Variants in CENPW observed in about 807,000 individuals in gnomAD.
The protein encoded by CENPW is centromere protein W.
In CENPW, 3 loss-of-function variants were observed where a neutral mutation model predicts 11.1. The observed-to-expected ratio is 0.27, with a 90% CI of 0.12 to 0.70. The LOEUF is 0.70. Among genes scored for constraint, CENPW ranks in the 30% least tolerant of loss-of-function variants. The probability of loss-of-function intolerance (pLI) is 0.77; values close to 1 mark genes in which losing one functional copy is unlikely to be tolerated. For synonymous variants in CENPW, 38 were observed against 42.0 expected (o/e 0.91, Z 0.37); for missense variants, 100 against 105.6 (o/e 0.95, Z 0.23).
chr6:126,371,047 G>A, the CENPW span, among the ~76,000 whole-genome samples: 1 of 152,124 alleles, frequency 6.6e-6, no homozygotes, highest in Non-Finnish European at 1.5e-5. Flanking sequence ...GATTATAGGC[G>A]TGAGCCACCG....
chr6:126,456,884 A>C, the CENPW span, among the ~76,000 whole-genome samples: 1 of 151,748 alleles, frequency 6.6e-6, no homozygotes, highest in Non-Finnish European at 1.5e-5. Flanking sequence ...ATATGGGCAA[A>C]GGACATGAAC....
At chr6:126,471,691 A>G in the CENPW span, among the ~76,000 whole-genome samples, 3 of 152,194 alleles carry the variant, frequency 2.0e-5, no homozygotes, top group Admixed American at 2.0e-4. Flanking sequence ...GGTAGAAAAA[A>G]CCAGATATAC....
downstream of CENPW, among the ~76,000 whole-genome samples, chr6:126,349,520 A>AT (rs1231244598): frequency 6.6e-6 from 1 of 152,240 alleles, no homozygotes; most frequent in East Asian, 1.9e-4. Context: ...TACTTTTGTG[A>AT]TTTTGAGAAT....
the CENPW span, among the ~76,000 whole-genome samples, chr6:126,412,775 T>A: frequency 6.6e-6 from 1 of 152,152 alleles, no homozygotes; most frequent in Admixed American, 6.6e-5. Flanking sequence ...TCCTACCTTT[T>A]TTAGATTGAA....
downstream of CENPW, among the ~76,000 whole-genome samples, chr6:126,349,928 G>A (rs1363871325): frequency 6.6e-6 from 1 of 152,016 alleles, no homozygotes; most frequent in South Asian, 2.1e-4. Context: ...ATAGCACACT[G>A]CAGCCTCAAA....
chr6:126,381,400 C>A, the CENPW span, among the ~76,000 whole-genome samples: 3 of 152,084 alleles, frequency 2.0e-5, no homozygotes, highest in African/African-American at 7.2e-5. Flanking sequence ...TGCATATACA[C>A]TTTTATTAAA....
At chr6:126,385,692 T>A in the CENPW span, among the ~76,000 whole-genome samples, 22 of 152,086 alleles carry the variant, frequency 1.4e-4, no homozygotes, top group Non-Finnish European at 2.8e-4. Flanking sequence ...GAGTGAGTTC[T>A]TATGAGATCT....
chr6:126,413,785 A>G, the CENPW span, among the ~76,000 whole-genome samples: 1 of 152,016 alleles, frequency 6.6e-6, no homozygotes, highest in African/African-American at 2.4e-5. Flanking sequence ...AAACCACCAG[A>G]ATACAACAGA....
At chr6:126,465,265 CAG>C in the CENPW span, among the ~76,000 whole-genome samples, 2 of 151,910 alleles carry the variant, frequency 1.3e-5, no homozygotes, top group Non-Finnish European at 1.5e-5. Flanking sequence ...AAATTAAAAA[CAG>C]AGTTTACAAT....
chr6:126,382,141 G>A, the CENPW span, among the ~76,000 whole-genome samples: 2 of 152,062 alleles, frequency 1.3e-5, no homozygotes, highest in African/African-American at 4.8e-5. Context: ...AATCCCAGCT[G>A]CAGGAGAATC....
At chr6:126,380,940 C>T in the CENPW span, among the ~76,000 whole-genome samples, 3 of 152,192 alleles carry the variant, frequency 2.0e-5, no homozygotes, top group Non-Finnish European at 2.9e-5. Context: ...TGTGTTTGTA[C>T]TTTCTTGTTA....
chr6:126,343,850 T>C (rs1780357784), intron 1 of CENPW, among the ~76,000 whole-genome samples: 1 of 152,132 alleles, frequency 6.6e-6, no homozygotes. Flanking sequence ...TTATTTTCCT[T>C]TGGCAGCACC....
chr6:126,415,449 G>A, the CENPW span, among the ~76,000 whole-genome samples: 2 of 152,114 alleles, frequency 1.3e-5, no homozygotes, highest in Non-Finnish European at 2.9e-5. Context: ...AGTAGGGTCT[G>A]TTATTAGTAC....
chr6:126,408,720 G>A, the CENPW span, among the ~76,000 whole-genome samples: 5 of 151,972 alleles, frequency 3.3e-5, no homozygotes, highest in Admixed American at 6.6e-5. Context: ...GGTTGTATAC[G>A]TCCAGGGATT....
the CENPW span, among the ~76,000 whole-genome samples, chr6:126,470,419 G>A: frequency 6.6e-6 from 1 of 152,234 alleles, no homozygotes; most frequent in Admixed American, 6.5e-5. Context: ...GATTTCACAG[G>A]ATGTATGGAA....
the CENPW span, among the ~76,000 whole-genome samples, chr6:126,392,096 A>G: frequency 1.3e-5 from 2 of 152,082 alleles, no homozygotes; most frequent in South Asian, 2.1e-4. Context: ...GATTCTTCCA[A>G]TCCCCTGAAC....
At chr6:126,351,757 G>C (rs950730082), downstream of CENPW, among the ~76,000 whole-genome samples, 176 of 151,774 alleles carry the variant, frequency 1.2e-3, 1 homozygote, top group African/African-American at 4.2e-3. Context: ...TCAACTGTGG[G>C]TTTCATTTTT....
At chr6:126,432,096 G>A in the CENPW span, among the ~76,000 whole-genome samples, 4 of 150,394 alleles carry the variant, frequency 2.7e-5, 1 homozygote, top group South Asian at 4.2e-4. Context: ...AAAAAAGAGG[G>A]TATTTTTCTT....
chr6:126,368,239 C>T, the CENPW span, among the ~76,000 whole-genome samples: 2 of 152,188 alleles, frequency 1.3e-5, no homozygotes, highest in Admixed American at 6.5e-5. Context: ...GTGCCTGCAT[C>T]AGGAAGGAAA....
Sources: allele counts gnomAD v4.1 joint callset (sites outside exome capture counted in the v4.1 genomes callset), GRCh38; gene constraint gnomAD v4.1.1; transcripts MANE v1.5; gene names NCBI Gene and HGNC (gene_info 2026-07-23, HGNC 2026-07-21).